KMT2E: variants seen among roughly 807,000 people sequenced by gnomAD.
KMT2E encodes lysine methyltransferase 2E (inactive).
KMT2E carries 30 observed loss-of-function variants against 184.6 expected under a neutral mutation model. The ratio of observed to expected loss-of-function variants is 0.16; its 90% confidence interval spans 0.12 to 0.22. The LOEUF is 0.22. Among genes scored for constraint, KMT2E ranks in the 10% least tolerant of loss-of-function variants. The pLI is 1.00. For synonymous variants in KMT2E, 815 were observed against 776.5 expected, an observed-to-expected ratio of 1.05 and a Z score of -0.82; for missense variants, 2,023 against 2,237.4, an observed-to-expected ratio of 0.90 and a Z score of 1.93.
chr7:105,108,343 A>G (rs1378472778), intron 22 of KMT2E, among the ~76,000 whole-genome samples: 1 of 152,198 alleles, frequency 6.6e-6, no homozygotes, highest in Non-Finnish European at 1.5e-5. Flanking sequence ...CCATGGATGT[A>G]AGAGTGTTTT....
intron 3 of KMT2E, among the ~76,000 whole-genome samples, chr7:105,055,728 G>A (rs1796550099): frequency 6.6e-6 from 1 of 152,126 alleles, no homozygotes; most frequent in Admixed American, 6.6e-5. Flanking sequence ...TGTGCTTTCT[G>A]TCTGGAATAC....
At chr7:105,056,793 A>G (rs1172146726) in intron 3 of KMT2E, among the ~76,000 whole-genome samples, 2 of 152,224 alleles carry the variant, frequency 1.3e-5, no homozygotes, top group African/African-American at 4.8e-5. Context: ...GTAAGGCATT[A>G]TAGTTGAGAA....
At chr7:105,055,059 C>T (rs1207113534) in intron 3 of KMT2E, among the ~76,000 whole-genome samples, 1 of 152,092 alleles carries the variant, frequency 6.6e-6, no homozygotes, top group Non-Finnish European at 1.5e-5. Flanking sequence ...CCTGAGCCTA[C>T]TGAATCTAGG....
intron 15 of KMT2E, among the ~76,000 whole-genome samples, chr7:105,100,345 T>C (rs1364565364): frequency 6.6e-6 from 1 of 152,228 alleles, no homozygotes; most frequent in Non-Finnish European, 1.5e-5. Flanking sequence ...TCTCTGCTGG[T>C]AATTACTGGA....
intron 5 of KMT2E, 99 bp downstream of exon 5, chr7:105,063,679 G>C: frequency 1.3e-6 from 1 of 771,952 alleles, no homozygotes; most frequent in Non-Finnish European, 2.0e-6. Flanking sequence ...GGAATTAATG[G>C]ATACATATTT....
At chr7:105,046,329 TTAAGTC>T (rs1796103034) in intron 3 of KMT2E, among the ~76,000 whole-genome samples, 1 of 152,210 alleles carries the variant, frequency 6.6e-6, no homozygotes, top group South Asian at 2.1e-4. Flanking sequence ...TTTGTTGCCT[TTAAGTC>T]TAAATTCAGA....
At chr7:105,067,066 T>TAAAAAAAAAAAAAAA (rs11457088) in intron 6 of KMT2E, among the ~76,000 whole-genome samples, 1 of 115,436 alleles carries the variant, frequency 8.7e-6, no homozygotes, top group South Asian at 2.8e-4. Context: ...CTTTTTTTTT[T>TAAAAAAAAAAAAAAA]AAAAAAAAAA....
intron 13 of KMT2E, among the ~76,000 whole-genome samples, chr7:105,086,781 AAATAT>A (rs1433002016): frequency 1.1e-4 from 16 of 146,698 alleles, no homozygotes; most frequent in Admixed American, 1.4e-4. Context: ...TATATAAAAT[AAATAT>A]AATATATAAA....
intron 6 of KMT2E, among the ~76,000 whole-genome samples, chr7:105,068,626 T>G (rs866542249): frequency 7.4e-6 from 1 of 134,602 alleles, no homozygotes; most frequent in African/African-American, 3.2e-5. Flanking sequence ...TAGTTGTGGT[T>G]TTTTTTTTTT....
chr7:105,078,657 C>CTTTTT (rs71152940), intron 11 of KMT2E, among the ~76,000 whole-genome samples, 189 bp from the exon 12 acceptor site: 1 of 46,674 alleles, frequency 2.1e-5, no homozygotes, highest in Non-Finnish European at 3.6e-5. Flanking sequence ...CATGCCTGGC[C>CTTTTT]TTTTTTTTTT....
At chr7:105,069,956 C>CT (rs1797213904) in intron 6 of KMT2E, among the ~76,000 whole-genome samples, 1 of 152,240 alleles carries the variant, frequency 6.6e-6, no homozygotes, top group Middle Eastern at 3.4e-3. Flanking sequence ...TTGGCATTGA[C>CT]TTTTTTATCC....
intron 6 of KMT2E, among the ~76,000 whole-genome samples, chr7:105,071,664 G>T (rs1461009399): frequency 8.4e-6 from 1 of 118,384 alleles, no homozygotes; most frequent in Non-Finnish European, 1.7e-5. Flanking sequence ...TCACCATCTT[G>T]GCCAGGATGG....
At position 105,112,786 on chromosome 7, in the gene KMT2E, T is replaced by TCCCCCCCCCCCC; in HGVS notation, c.5030_5031insCCCCCCCCCCCC (p.Leu1677delinsPheProProProPro). Reference sequence around the variant, plus strand: ...CATTCTCAAACTGCTGGACACCACTTACCCCCACCCCCACCCCCTCCTGGT... The same window carrying TCCCCCCCCCCCC: ...CATTCTCAAACTGCTGGACACCACTTCCCCCCCCCCCCACCCCCACCCCCACCCCCTCCTGGT... On this transcript the variant is annotated protein_altering_variant, in exon 27 of 27. Coordinates refer to ENST00000311117, the MANE Select transcript of KMT2E (RefSeq NM_182931.3). 1 of 1,605,428 alleles carries TCCCCCCCCCCCC rather than the reference T, an allele frequency of 6.2e-7. No homozygotes were observed. Among genetic ancestry groups the TCCCCCCCCCCCC allele is most frequent in the South Asian group, 1.1e-5 (1 of 90,628 alleles).
chr7:105,075,786 A>G (rs1055592535), intron 8 of KMT2E, among the ~76,000 whole-genome samples: 1 of 152,012 alleles, frequency 6.6e-6, no homozygotes, highest in Non-Finnish European at 1.5e-5. Context: ...CCTGGGCTCC[A>G]GTTGATCCTC....
chr7:105,101,927 C>T lies in KMT2E; in HGVS notation c.1929C>T (p.Ala643=), dbSNP rs745962515. The T allele has an allele frequency of 2.5e-6, 4 of 1,611,810 alleles. No homozygotes were observed. The highest frequency in any genetic ancestry group is 4.5e-5 in the East Asian group (2 of 44,730). Reference sequence around the variant, plus strand: ...AAAATGCTAGCAAGCCAACCCCTGCCAAAGTAAATAGAACTAAACAGAGAA... The same window carrying T: ...AAAATGCTAGCAAGCCAACCCCTGCTAAAGTAAATAGAACTAAACAGAGAA... ...KEENASKPTP[A]KVNRTKQRKS... The change falls in exon 17 of 27, where the codon GCC becomes GCT. Residue 643 remains alanine, a synonymous_variant. Coordinates refer to ENST00000311117, the MANE Select transcript of KMT2E (RefSeq NM_182931.3).
rs1446205752 is a variant in KMT2E, at chr7:105,040,551, T to C, written c.-114-288T>C. ...GACTTATTTTTGCATACTGGCACTT[T>C]AAGAAATTACATTTTATCTTTTAAA... On this transcript the variant is annotated intron_variant, in intron 2 of 26. Transcript: ENST00000311117. Among the ~76,000 whole-genome samples, 3 of 152,226 alleles carry C rather than the reference T, an allele frequency of 2.0e-5. No homozygotes were observed. In the East Asian group the frequency reaches 5.8e-4, roughly 29 times the overall value.
At chr7:105,054,884 C>T (rs1227968260) in intron 3 of KMT2E, among the ~76,000 whole-genome samples, 1 of 152,170 alleles carries the variant, frequency 6.6e-6, no homozygotes, top group African/African-American at 2.4e-5. Context: ...GGATGCCATG[C>T]AGTCATGAGG....
At chr7:105,049,294 A>G (rs1796230994) in intron 3 of KMT2E, among the ~76,000 whole-genome samples, 1 of 151,932 alleles carries the variant, frequency 6.6e-6, no homozygotes, top group African/African-American at 2.4e-5. Context: ...AAAAAATACC[A>G]TAGTTAGCCA....
intron 14 of KMT2E, among the ~76,000 whole-genome samples, chr7:105,090,950 A>G (rs1798177334): frequency 6.6e-6 from 1 of 152,162 alleles, no homozygotes; most frequent in South Asian, 2.1e-4. Flanking sequence ...TGTTTTGGGA[A>G]CTTTATAAAT....
Sources: allele counts gnomAD v4.1 joint callset (sites outside exome capture counted in the v4.1 genomes callset), GRCh38; gene constraint gnomAD v4.1.1; transcripts MANE v1.5; gene names NCBI Gene and HGNC (gene_info 2026-07-23, HGNC 2026-07-21).